The following CSPP1 variants were observed in gnomAD, a reference collection of about 807,000 sequenced individuals.
CSPP1 encodes centrosome and spindle pole associated protein 1.
A neutral mutation model predicts 164.4 loss-of-function variants in CSPP1; 126 were observed. That is an observed-to-expected ratio of 0.77 (90% CI 0.66 to 0.89). CSPP1 has a LOEUF of 0.89. Ranked by LOEUF, CSPP1 falls within the 40% of genes least tolerant of loss-of-function variation. CSPP1 has a pLI of 0.00. For missense variants in CSPP1, 1,395 were observed against 1,449.8 expected (o/e 0.96, Z 0.61); for synonymous variants, 472 against 476.7 (o/e 0.99, Z 0.13).
chr8:67,195,765 GATT>G lies in CSPP1; in HGVS notation c.*176_*178del, dbSNP rs1837819472. 2 of 596,468 alleles carry G rather than the reference GATT, an allele frequency of 3.4e-6. No individual in the cohort carries two copies. The highest frequency in any genetic ancestry group is 6.0e-6 in the Non-Finnish European group (2 of 332,364). The allele number at this position is 596,468 out of a possible 1,614,324, so 36.9% of individuals were successfully genotyped here. A position where few individuals can be genotyped will look rare whatever the true frequency, so the allele number is the denominator to read the frequency against. ...ATTATGTACATAAATAAAAGGCCATGATTATTGATTTATATAATAGAATTGTAT... is the reference window on the plus strand; with the variant it reads ...ATTATGTACATAAATAAAAGGCCATGATTGATTTATATAATAGAATTGTAT... On this transcript the variant is annotated 3_prime_UTR_variant, in exon 31 of 31. Transcript: ENST00000678616.
chr8:67,067,500 G>C (rs866091304), intron 1 of CSPP1, among the ~76,000 whole-genome samples: 1 of 151,828 alleles, frequency 6.6e-6, no homozygotes, highest in Non-Finnish European at 1.5e-5. Flanking sequence ...GTCTCGCTCT[G>C]TCACCTAGGC....
intron 18 of CSPP1, among the ~76,000 whole-genome samples, chr8:67,150,804 T>TG (rs1296001263): frequency 1.3e-5 from 2 of 151,956 alleles, no homozygotes; most frequent in African/African-American, 4.8e-5. Flanking sequence ...CAGGAAAAGT[T>TG]GTCAGGTATG....
intron 4 of CSPP1, among the ~76,000 whole-genome samples, chr8:67,088,563 C>T (rs940190371): frequency 6.7e-6 from 1 of 148,752 alleles, no homozygotes; most frequent in Non-Finnish European, 1.5e-5. Context: ...GCTGGGATTA[C>T]AGGCATGAGC....
Position 67,195,666 on chromosome 8 carries a change from C to CTACT in CSPP1, c.*75_*78dup. ...GGTAAATCTGTACCTTTAATATGTC[C>CTACT]TACTTTTGGCCCCTACCTGAAAGTT... On this transcript the variant is annotated 3_prime_UTR_variant, in exon 31 of 31. Coordinates refer to ENST00000678616, the MANE Select transcript of CSPP1 (RefSeq NM_001382391.1). 1 of 1,337,106 alleles carries CTACT rather than the reference C, an allele frequency of 7.5e-7. No homozygotes were observed. Among genetic ancestry groups the CTACT allele is most frequent in the South Asian group, 1.3e-5 (1 of 79,546 alleles). 82.8% of individuals were successfully genotyped at this position (1,337,106 alleles called of 1,614,324 possible).
intron 1 of CSPP1, among the ~76,000 whole-genome samples, chr8:67,071,979 G>C (rs1208905051): frequency 1.3e-5 from 2 of 152,170 alleles, no homozygotes; most frequent in African/African-American, 4.8e-5. Context: ...TTGTGATCTT[G>C]GGTTAGGCAA....
chr8:67,186,808 G>C (rs1273701085), intron 28 of CSPP1, among the ~76,000 whole-genome samples: 2 of 152,170 alleles, frequency 1.3e-5, no homozygotes. Context: ...GAACTAGTAA[G>C]CAGTTATAAT....
chr8:67,170,235 A>G (rs1586697879), intron 24 of CSPP1, among the ~76,000 whole-genome samples: 1 of 151,216 alleles, frequency 6.6e-6, no homozygotes, highest in African/African-American at 2.4e-5. Flanking sequence ...ACCTGAGGTC[A>G]GGAGTTCGAG....
At chr8:67,179,798 G>C in intron 27 of CSPP1, 65 bp from the exon 28 acceptor site, 1 of 1,090,700 alleles carries the variant, frequency 9.2e-7, no homozygotes, top group Non-Finnish European at 1.4e-6. Flanking sequence ...CCTCTTCTTA[G>C]TATAAATTTG....
chr8:67,191,339 A>G (rs998631932), intron 29 of CSPP1, among the ~76,000 whole-genome samples: 13 of 152,220 alleles, frequency 8.5e-5, no homozygotes, highest in Non-Finnish European at 1.2e-4. Context: ...AGATGCAGTT[A>G]TATGTGAAGC....
intron 17 of CSPP1, among the ~76,000 whole-genome samples, chr8:67,139,197 C>T (rs1822977982): frequency 6.6e-6 from 1 of 152,218 alleles, no homozygotes; most frequent in African/African-American, 2.4e-5. Flanking sequence ...TGAACAGACA[C>T]TTCTCAAACG....
At chr8:67,086,466 C>T (rs1226731182) in intron 4 of CSPP1, among the ~76,000 whole-genome samples, 2 of 152,038 alleles carry the variant, frequency 1.3e-5, no homozygotes. Context: ...ATTAAAATGA[C>T]ATATGGAGTT....
At chr8:67,112,701 C>T (rs547855908) in intron 10 of CSPP1, among the ~76,000 whole-genome samples, 2 of 152,308 alleles carry the variant, frequency 1.3e-5, no homozygotes, top group Admixed American at 6.5e-5. Context: ...AATAACTAGT[C>T]TTCCCAACTC....
Position 67,195,484 on chromosome 8 carries a change from C to T in CSPP1, c.3572C>T (p.Ser1191Leu). ...ATEPWLRPGTSETLKRFMAEQ... is the reference protein window; with the variant it reads ...ATEPWLRPGTLETLKRFMAEQ... ...GAGCCCTGGCTCCGCCCTGGCACTT[C>T]AGAAACGCTGAAACGTTTCATGGCA... The change falls in exon 31 of 31, where the codon TCA (serine) becomes TTA (leucine). Residue 1191 changes from serine to leucine, a missense_variant. Physicochemically the swap from Ser to Leu is moderately radical, Grantham distance 145. Transcript: ENST00000678616. 1 of 1,614,186 alleles carries T rather than the reference C, an allele frequency of 6.2e-7. No individual in the cohort carries two copies. The highest frequency in any genetic ancestry group is 1.1e-5 in the South Asian group (1 of 91,084).
intron 17 of CSPP1, among the ~76,000 whole-genome samples, chr8:67,141,933 G>A (rs1823596901): frequency 6.6e-6 from 1 of 152,192 alleles, no homozygotes; most frequent in Non-Finnish European, 1.5e-5. Flanking sequence ...TAATTCTGCT[G>A]CTGACTTTTC....
chr8:67,194,736 C>G (rs1837429542), intron 30 of CSPP1, among the ~76,000 whole-genome samples: 1 of 151,040 alleles, frequency 6.6e-6, no homozygotes. Flanking sequence ...GACAGATTTT[C>G]CTATTATTAT....
At chr8:67,175,706 C>T (rs1000787466) in intron 26 of CSPP1, 19 of 544,692 alleles carry the variant, frequency 3.5e-5, no homozygotes, top group Admixed American at 2.3e-4. Context: ...GGCCAGGTGA[C>T]GTCTGCATCA....
Position 67,115,986 on chromosome 8 carries a change from A to G in CSPP1, c.1360A>G (p.Ile454Val). ...GATGATACCACCTGAAAGACCCAGA[A>G]TAGCTTTCCAGACACCTCTCCCTCC... The part of the protein sequence containing the change: ...EEMIPPERPR[I>V]AFQTPLPPLS... The change falls in exon 13 of 31, where the codon ATA becomes GTA. Residue 454 changes from isoleucine (I) to valine (V), a missense_variant. By Grantham distance (29) the Ile-to-Val change is conservative. Coordinates refer to ENST00000678616, the MANE Select transcript of CSPP1 (RefSeq NM_001382391.1). 1 of 1,614,014 alleles carries G rather than the reference A, an allele frequency of 6.2e-7. No homozygotes were observed. The highest frequency in any genetic ancestry group is 8.5e-7 in the Non-Finnish European group (1 of 1,179,972).
At chr8:67,154,935 G>C (rs1424963286) in intron 19 of CSPP1, among the ~76,000 whole-genome samples, 2 of 152,176 alleles carry the variant, frequency 1.3e-5, no homozygotes, top group Admixed American at 6.5e-5. Context: ...TTTTCCAAAT[G>C]ATTTGATATT....
intron 17 of CSPP1, among the ~76,000 whole-genome samples, chr8:67,147,970 G>C (rs1824938330): frequency 6.6e-6 from 1 of 151,870 alleles, no homozygotes; most frequent in South Asian, 2.1e-4. Context: ...CCAGCCTGAA[G>C]TGCAGTGGTG....
Sources: gnomAD v4.1 joint callset for allele counts (sites outside exome capture counted in the v4.1 genomes callset) on GRCh38, gnomAD v4.1.1 for gene constraint, MANE v1.5 for transcripts, NCBI Gene and HGNC (gene_info 2026-07-23, HGNC 2026-07-21) for gene names.